PCDHGB1: variants seen among roughly 807,000 people sequenced by gnomAD.
The protein encoded by PCDHGB1 is protocadherin gamma subfamily B, 1.
In PCDHGB1, 34 loss-of-function variants were observed where a neutral mutation model predicts 56.6. The observed-to-expected ratio is 0.60, with a 90% CI of 0.46 to 0.80. The LOEUF is 0.80. Among genes scored for constraint, PCDHGB1 ranks in the 30% least tolerant of loss-of-function variants. The pLI is 0.00. For missense variants in PCDHGB1, 1,278 were observed against 1,204.6 expected, an observed-to-expected ratio of 1.06 and a Z score of -0.90; for synonymous variants, 561 against 505.9, an observed-to-expected ratio of 1.11 and a Z score of -1.46.
intron 1 of PCDHGB1, chr5:141,388,813 T>G: frequency 6.2e-7 from 1 of 1,613,884 alleles, no homozygotes; most frequent in Non-Finnish European, 8.5e-7. Flanking sequence ...TTTGAAGAAG[T>G]CAAAGAATAT....
intron 1 of PCDHGB1, chr5:141,410,592 T>C: frequency 1.2e-6 from 2 of 1,609,264 alleles, no homozygotes; most frequent in Non-Finnish European, 1.7e-6. Context: ...GGGGAGGATT[T>C]GACTTCACAT....
At chr5:141,453,287 A>ATTT (rs2098760771) in intron 1 of PCDHGB1, among the ~76,000 whole-genome samples, 3 of 151,368 alleles carry the variant, frequency 2.0e-5, no homozygotes, top group African/African-American at 7.3e-5. Flanking sequence ...CTAATTTTTT[A>ATTT]ATTATTTATT....
intron 1 of PCDHGB1, among the ~76,000 whole-genome samples, chr5:141,353,919 G>A (rs1759417280): frequency 6.6e-6 from 1 of 152,196 alleles, no homozygotes; most frequent in Non-Finnish European, 1.5e-5. Flanking sequence ...CCTTTTGTAT[G>A]AGTCATTTCT....
chr5:141,350,691 T>C lies in PCDHGB1; in HGVS notation c.431T>C (p.Leu144Ser), dbSNP rs556658161. 1.7e-5 allele frequency: 28 copies of C among 1,613,996 alleles called. 1 individual carries two copies. In the South Asian group the frequency reaches 2.9e-4, roughly 16 times the overall value. ...GIDLEICESA[L>S]PGVKFSLDSA... ...GACTTAGAAATTTGTGAGTCAGCCT[T>C]ACCCGGGGTAAAATTCTCTCTGGAT... The change falls in exon 1 of 4, where the codon TTA (leucine) becomes TCA (serine). Residue 144 changes from leucine to serine, a missense_variant. By Grantham distance (145) the Leu-to-Ser change is moderately radical. Coordinates refer to ENST00000523390, the MANE Select transcript of PCDHGB1 (RefSeq NM_018922.3).
intron 1 of PCDHGB1, chr5:141,356,168 A>G: frequency 6.2e-7 from 1 of 1,613,078 alleles, no homozygotes; most frequent in Non-Finnish European, 8.5e-7. Context: ...GAAGCCCATG[A>G]TGGGCCTGGT....
chr5:141,425,528 C>T (rs2096881702), intron 1 of PCDHGB1, among the ~76,000 whole-genome samples: 1 of 152,200 alleles, frequency 6.6e-6, no homozygotes, highest in African/African-American at 2.4e-5. Context: ...AAACATGAAA[C>T]AATAATCCTT....
At chr5:141,417,702 A>G (rs2096149298) in intron 1 of PCDHGB1, 2 of 1,199,336 alleles carry the variant, frequency 1.7e-6, no homozygotes, top group Non-Finnish European at 1.1e-6. Context: ...CAGCTCCCAC[A>G]CAGAGGCTCC....
rs1161697588 is a variant in PCDHGB1, at chr5:141,491,464, T to C, written c.2410-3343T>C. 7 of 1,613,982 alleles carry C rather than the reference T, an allele frequency of 4.3e-6. No homozygotes were observed. In the African/African-American group the frequency reaches 9.3e-5, roughly 22 times the overall value. On this transcript the variant is annotated intron_variant, in intron 1 of 3. Transcript: ENST00000523390. This position sits in a 1 kb window ranked among gnomAD's most constrained non-coding sequence, Gnocchi z 6.9. ...CCAGGACTCACCCTCCCCGGACTTCTATAAGCAGTCCAGCCCCAACCTGCA... is the reference window on the plus strand; with the variant it reads ...CCAGGACTCACCCTCCCCGGACTTCCATAAGCAGTCCAGCCCCAACCTGCA...
Position 141,510,985 on chromosome 5 carries a change from G to A in PCDHGB1, c.2596G>A (p.Gly866Ser), listed in dbSNP as rs1278517639. Residue 866 changes from glycine to serine, a missense_variant, in exon 4 of 4, where the codon GGC becomes AGC. Transcript: ENST00000523390. ...DGSSTLGGGA[G>S]TMGLSARYGP... ...GAGCTCCACCCTGGGAGGGGGTGCCGGCACCATGGGATTGAGCGCCCGCTA... is the reference window on the plus strand; with the variant it reads ...GAGCTCCACCCTGGGAGGGGGTGCCAGCACCATGGGATTGAGCGCCCGCTA... 19 of 1,614,090 alleles carry A rather than the reference G, an allele frequency of 1.2e-5. No individual in the cohort carries two copies. The highest frequency in any genetic ancestry group is 2.2e-5 in the East Asian group (1 of 44,880).
At position 141,487,075 on chromosome 5, in the gene PCDHGB1, C is replaced by T. The variant is rs755563146; in HGVS notation, c.2410-7732C>T. The T allele has an allele frequency of 1.9e-6, 3 of 1,614,116 alleles. No individual in the cohort carries two copies. The highest frequency in any genetic ancestry group is 2.5e-6 in the Non-Finnish European group (3 of 1,179,982). ...GGGAGGTGCGGACGGCTGTTCCTATCCCAGCTGACCTCCCACCACAGAAGC... is the reference window on the plus strand; with the variant it reads ...GGGAGGTGCGGACGGCTGTTCCTATTCCAGCTGACCTCCCACCACAGAAGC... On this transcript the variant is annotated intron_variant, in intron 1 of 3. Transcript: ENST00000523390. This position sits in a 1 kb window ranked among gnomAD's most constrained non-coding sequence, Gnocchi z 5.0.
Position 141,491,273 on chromosome 5 carries a change from G to A in PCDHGB1, c.2410-3534G>A. ...GACCCTGAGGAAATGCCCAAATCCA[G>A]TGACTTCCTCATACACCCTCCTGAG... On this transcript the variant is annotated intron_variant, in intron 1 of 3. Coordinates refer to ENST00000523390, the MANE Select transcript of PCDHGB1 (RefSeq NM_018922.3). This position sits in a 1 kb window ranked among gnomAD's most constrained non-coding sequence, Gnocchi z 6.9. The A allele has an allele frequency of 6.2e-7, 1 of 1,614,182 alleles. No individual in the cohort carries two copies. Among genetic ancestry groups the A allele is most frequent in the South Asian group, 1.1e-5 (1 of 91,082 alleles).
intron 1 of PCDHGB1, chr5:141,360,088 C>G (rs1443293202): frequency 6.7e-7 from 1 of 1,503,738 alleles, no homozygotes; most frequent in Non-Finnish European, 8.9e-7. Context: ...CTGCCATCCC[C>G]GGAAGGCTTA....
chr5:141,384,922 C>A (rs760972840), intron 1 of PCDHGB1: 1 of 1,614,018 alleles, frequency 6.2e-7, no homozygotes, highest in African/African-American at 1.3e-5. Context: ...CTTGGCCGAC[C>A]TGGGCAGCCT....
Position 141,388,177 on chromosome 5 carries a change from A to T in PCDHGB1, c.2409+35508A>T, listed in dbSNP as rs778496978. 25 of 1,515,690 alleles carry T rather than the reference A, an allele frequency of 1.6e-5. No individual in the cohort carries two copies. The Admixed American group carries it at 4.5e-4, about 27-fold the overall frequency. 93.9% of individuals were successfully genotyped at this position (1,515,690 alleles called of 1,614,324 possible). On this transcript the variant is annotated intron_variant, in intron 1 of 3. Coordinates refer to ENST00000523390, the MANE Select transcript of PCDHGB1 (RefSeq NM_018922.3). The stretch of plus-strand genomic sequence containing the variant: ...CTAGACAGGGAGGAGATATGCGGGA[A>T]GAAGCCAGCTTGTGCTCTGGAATTT...
intron 1 of PCDHGB1, chr5:141,383,386 G>C (rs1199066955): frequency 1.2e-6 from 2 of 1,614,000 alleles, no homozygotes; most frequent in Non-Finnish European, 1.7e-6. Context: ...TCCAGATGTG[G>C]GCACGAACTC....
At chr5:141,416,589 TTA>T (rs1386515449) in intron 1 of PCDHGB1, 2 of 151,996 alleles carry the variant, frequency 1.3e-5, no homozygotes, top group African/African-American at 4.8e-5. Context: ...CAAAATAAAC[TTA>T]GAGTCAAGAA....
chr5:141,364,666 CA>C (rs747851632), intron 1 of PCDHGB1: 66 of 1,614,024 alleles, frequency 4.1e-5, no homozygotes, highest in Non-Finnish European at 5.3e-5. Context: ...TGGTTGAGAA[CA>C]AAATGAAAAT....
In PCDHGB1 at chr5:141,448,944, C is replaced by CAAAA. The variant is rs560691811; in HGVS notation, c.2410-45859_2410-45856dup. Among the ~76,000 whole-genome samples, 218 of 152,004 alleles carry CAAAA rather than the reference C, an allele frequency of 1.4e-3. 1 individual carries two copies. The highest frequency in any genetic ancestry group is 5.1e-3 in the African/African-American group (213 of 41,464). On this transcript the variant is annotated intron_variant, in intron 1 of 3. Coordinates refer to ENST00000523390, the MANE Select transcript of PCDHGB1 (RefSeq NM_018922.3). ...TGGGCGACAGAGCAAGACTGCAACTCAAAAAAACAAACAAACAAACAAAAA... is the reference window on the plus strand; with the variant it reads ...TGGGCGACAGAGCAAGACTGCAACTCAAAAAAAAAAACAAACAAACAAACAAAAA...
chr5:141,383,727 A>G, intron 1 of PCDHGB1: 1 of 1,614,016 alleles, frequency 6.2e-7, no homozygotes, highest in South Asian at 1.1e-5. Flanking sequence ...TCAATGGGGA[A>G]GTGACATATT....
Sources: gnomAD v4.1 joint callset for allele counts (sites outside exome capture counted in the v4.1 genomes callset) on GRCh38, gnomAD v4.1.1 for gene constraint, Gnocchi (gnomAD v3.1) non-coding constraint, MANE v1.5 for transcripts, NCBI Gene and HGNC (gene_info 2026-07-23, HGNC 2026-07-21) for gene names.